Variants in RSAD2 observed in about 807,000 individuals in gnomAD.
RSAD2 encodes the protein S-adenosylmethionine-dependent nucleotide dehydratase RSAD2.
In RSAD2, 38 loss-of-function variants were observed where a neutral mutation model predicts 37.7. The observed-to-expected ratio is 1.01, with a 90% CI of 0.78 to 1.32. The LOEUF is 1.32. Among genes scored for constraint, RSAD2 ranks in the 40% most tolerant of loss-of-function variants. The pLI is 0.00. For synonymous variants in RSAD2, 163 were observed against 157.4 expected, an observed-to-expected ratio of 1.04 and a Z score of -0.27; for missense variants, 428 against 437.5, an observed-to-expected ratio of 0.98 and a Z score of 0.19.
At chr2:6,894,727 G>A (rs1663703955) in intron 5 of RSAD2, among the ~76,000 whole-genome samples, 1 of 152,208 alleles carries the variant, frequency 6.6e-6, no homozygotes, top group Non-Finnish European at 1.5e-5. Flanking sequence ...GATTCCAGGT[G>A]TGGGCCCCCA....
At chr2:6,887,650 T>C (rs985815659) in intron 3 of RSAD2, among the ~76,000 whole-genome samples, 6 of 152,238 alleles carry the variant, frequency 3.9e-5, no homozygotes, top group African/African-American at 1.2e-4. Context: ...CTGGCCCCAC[T>C]ACCAGCTACT....
At chr2:6,887,308 GCT>G (rs1238476884) in intron 3 of RSAD2, 144 bp downstream of exon 3, 2 of 618,880 alleles carry the variant, frequency 3.2e-6, no homozygotes, top group Non-Finnish European at 5.8e-6. Context: ...TGGTCTTTCA[GCT>G]CTGTTAGACT....
At chr2:6,890,396 A>C in intron 4 of RSAD2, 71 bp downstream of exon 4, 1 of 1,508,588 alleles carries the variant, frequency 6.6e-7, no homozygotes, top group Admixed American at 1.7e-5. Context: ...GAAGTCTCTC[A>C]GCCAAGGACC....
chr2:6,876,977 C>G (rs1663292877), upstream of RSAD2: 2 of 152,098 alleles, frequency 1.3e-5, no homozygotes, highest in African/African-American at 4.8e-5. Flanking sequence ...AAGCACAAGA[C>G]CACACACTTA....
At chr2:6,867,835 C>T (rs145077365) in intron 1 of RSAD2, among the ~76,000 whole-genome samples, 233 of 152,246 alleles carry the variant, frequency 1.5e-3, no homozygotes, top group Middle Eastern at 3.4e-3. Context: ...CTTCGCCCTA[C>T]GAAGAGATGT....
chr2:6,886,721 C>T (rs180713132), intron 2 of RSAD2, among the ~76,000 whole-genome samples: 1 of 152,156 alleles, frequency 6.6e-6, no homozygotes, highest in African/African-American at 2.4e-5. Context: ...AAATAATCAA[C>T]TAAGTATTTG....
upstream of RSAD2, among the ~76,000 whole-genome samples, chr2:6,875,734 C>T (rs1663269866): frequency 6.6e-6 from 1 of 152,180 alleles, no homozygotes. Context: ...TCAGTTATCC[C>T]CAACACTACC....
intron 1 of RSAD2, among the ~76,000 whole-genome samples, chr2:6,879,840 C>T (rs961101499): frequency 1.3e-5 from 2 of 151,952 alleles, no homozygotes; most frequent in African/African-American, 2.4e-5. Context: ...GGAGATATGT[C>T]GAGGGAAATT....
chr2:6,866,017 G>T, exon 1 of RSAD2: 1 of 511,942 alleles, frequency 2.0e-6, no homozygotes. Context: ...GGCTGACACC[G>T]AATGAGGCCC....
chr2:6,893,724 A>T (rs907451592), intron 5 of RSAD2, 21 bp downstream of exon 5: 2 of 1,539,034 alleles, frequency 1.3e-6, no homozygotes, highest in Middle Eastern at 1.7e-4. Context: ...CCAATGAGTT[A>T]TAAAATTAAA....
In RSAD2 at chr2:6,883,461, A is replaced by C. The variant is rs1193717072; in HGVS notation, c.437A>C (p.Glu146Ala). ...AAGTTGGTGAGGTTCTGCAAAGTAG[A>C]GTTGCGGCTGCCCAGCGTGAGCATC... ...LGKLVRFCKV[E>A]LRLPSVSIVS... The change falls in exon 2 of 6, where the codon GAG becomes GCG. Residue 146 changes from glutamate to alanine, a missense_variant. Transcript: ENST00000382040. 1.9e-6 allele frequency: 3 copies of C among 1,614,074 alleles called. No homozygotes were observed. Among genetic ancestry groups the C allele is most frequent in the Admixed American group, 1.7e-5 (1 of 60,008 alleles).
intron 2 of RSAD2, among the ~76,000 whole-genome samples, chr2:6,884,103 G>A (rs1663468967): frequency 6.6e-6 from 1 of 152,220 alleles, no homozygotes; most frequent in Non-Finnish European, 1.5e-5. Flanking sequence ...TTCTTATATG[G>A]ACTGTCATGT....
At chr2:6,869,583 T>C (rs1021864368) in intron 1 of RSAD2, among the ~76,000 whole-genome samples, 3 of 152,150 alleles carry the variant, frequency 2.0e-5, no homozygotes, top group African/African-American at 7.2e-5. Flanking sequence ...AAGTGTACAA[T>C]ATACAATGAA....
At chr2:6,877,144 A>G (rs1663296188), upstream of RSAD2, 1 of 152,246 alleles carries the variant, frequency 6.6e-6, no homozygotes, top group Admixed American at 6.5e-5. Flanking sequence ...CTCTAGTTAA[A>G]AACATCTATA....
upstream of RSAD2, among the ~76,000 whole-genome samples, chr2:6,876,305 T>C (rs1270251795): frequency 6.6e-6 from 1 of 152,200 alleles, no homozygotes; most frequent in East Asian, 1.9e-4. Flanking sequence ...ATGTTTGGGC[T>C]AAGCATTTGG....
chr2:6,880,385 C>G (rs952234278), intron 1 of RSAD2, among the ~76,000 whole-genome samples: 1 of 152,142 alleles, frequency 6.6e-6, no homozygotes, highest in Non-Finnish European at 1.5e-5. Flanking sequence ...GAGACTTGGA[C>G]TGCTTCTGTT....
chr2:6,874,613 AAATT>A (rs1322055643), upstream of RSAD2, among the ~76,000 whole-genome samples: 1 of 152,222 alleles, frequency 6.6e-6, no homozygotes, highest in Non-Finnish European at 1.5e-5. Flanking sequence ...AAGGAAAGCA[AAATT>A]AATTAACCGA....
Position 6,883,422 on chromosome 2 carries a change from G to A in RSAD2, c.398G>A (p.Gly133Glu). 6.2e-7 allele frequency: 1 copy of A among 1,614,168 alleles called. No homozygotes were observed. Among genetic ancestry groups the A allele is most frequent in the Non-Finnish European group, 8.5e-7 (1 of 1,180,028 alleles). Residue 133 changes from glycine (G) to glutamate (E), a missense_variant, in exon 2 of 6, where the codon GGA (glycine) becomes GAA (glutamate). Coordinates refer to ENST00000382040, the MANE Select transcript of RSAD2 (RefSeq NM_080657.5). ...SGGEPFLQDRGEYLGKLVRFC... is the reference protein window; with the variant it reads ...SGGEPFLQDREEYLGKLVRFC... ...GGAGAGCCATTTCTTCAAGACCGGGGAGAATACCTGGGCAAGTTGGTGAGG... is the reference window on the plus strand; with the variant it reads ...GGAGAGCCATTTCTTCAAGACCGGGAAGAATACCTGGGCAAGTTGGTGAGG...
In RSAD2 at chr2:6,896,616, C is replaced by T. The variant is rs1023829402; in HGVS notation, c.*674C>T. On this transcript the variant is annotated 3_prime_UTR_variant, in exon 6 of 6. Transcript: ENST00000382040. ...AATAGTCAACAGATGTTTCCAAGAACATATGATATGATAATCCTACCAATT... is the reference window on the plus strand; with the variant it reads ...AATAGTCAACAGATGTTTCCAAGAATATATGATATGATAATCCTACCAATT... 4 of 150,826 alleles carry T rather than the reference C, an allele frequency of 2.7e-5. No homozygotes were observed. The highest frequency in any genetic ancestry group is 9.7e-5 in the African/African-American group (4 of 41,052). The allele number at this position is 150,826 out of a possible 1,614,324, so 9.3% of individuals were successfully genotyped here.
Sources: gnomAD v4.1 joint callset for allele counts (sites outside exome capture counted in the v4.1 genomes callset) on GRCh38, gnomAD v4.1.1 for gene constraint, MANE v1.5 for transcripts, NCBI Gene and HGNC (gene_info 2026-07-23, HGNC 2026-07-21) for gene names.